TAFA2: variants seen among roughly 807,000 people sequenced by gnomAD.
TAFA2 encodes TAFA chemokine like family member 2.
In TAFA2, 7 loss-of-function variants were observed where a neutral mutation model predicts 18.8. The ratio of observed to expected loss-of-function variants is 0.37; its 90% CI spans 0.21 to 0.70. The LOEUF is 0.70. Among genes scored for constraint, TAFA2 ranks in the 30% least tolerant of loss-of-function variants. The probability of loss-of-function intolerance (pLI) is 0.53; values close to 1 mark genes in which losing one functional copy is unlikely to be tolerated. For missense variants in TAFA2, 122 were observed against 158.1 expected, an observed-to-expected ratio of 0.77 and a Z score of 1.23; for synonymous variants, 60 against 54.2, an observed-to-expected ratio of 1.11 and a Z score of -0.47.
chr12:62,238,255 G>T (rs1361648120), intron 1 of TAFA2, among the ~76,000 whole-genome samples: 1 of 152,184 alleles, frequency 6.6e-6, no homozygotes, highest in Non-Finnish European at 1.5e-5. Flanking sequence ...GTTTCTCAGT[G>T]CTTTGTGGTC....
chr12:62,013,553 A>C (rs760902299), intron 1 of TAFA2, among the ~76,000 whole-genome samples: 6 of 152,188 alleles, frequency 3.9e-5, no homozygotes, highest in Non-Finnish European at 8.8e-5. Context: ...TCATCATCAC[A>C]CAGCATGGTG....
chr12:61,845,760 T>A (rs1322411689), intron 2 of TAFA2, among the ~76,000 whole-genome samples: 2 of 152,152 alleles, frequency 1.3e-5, no homozygotes, highest in Non-Finnish European at 2.9e-5. Context: ...CATAAGCAAT[T>A]ATTTGATAAC....
chr12:62,141,140 T>A (rs2062236510), intron 1 of TAFA2, among the ~76,000 whole-genome samples: 1 of 152,232 alleles, frequency 6.6e-6, no homozygotes, highest in African/African-American at 2.4e-5. Context: ...AGATCACAGA[T>A]GCCTGAAATA....
intron 1 of TAFA2, among the ~76,000 whole-genome samples, chr12:62,075,699 C>G (rs1330079081): frequency 2.0e-5 from 3 of 152,194 alleles, no homozygotes; most frequent in African/African-American, 4.8e-5. Flanking sequence ...TACATACGCA[C>G]ACATATATAT....
intron 1 of TAFA2, among the ~76,000 whole-genome samples, chr12:62,118,953 T>C (rs547514504): frequency 6.6e-6 from 1 of 152,166 alleles, no homozygotes; most frequent in Admixed American, 6.5e-5. Flanking sequence ...TAGCAAAATA[T>C]ATGTCTTTTC....
At chr12:62,145,460 C>T (rs960876826) in intron 1 of TAFA2, 2 of 152,192 alleles carry the variant, frequency 1.3e-5, no homozygotes, top group African/African-American at 4.8e-5. Flanking sequence ...GCACCCCCGT[C>T]CGTGGAAAAA....
chr12:62,042,590 T>A (rs1180545075), intron 1 of TAFA2, among the ~76,000 whole-genome samples: 3 of 152,128 alleles, frequency 2.0e-5, no homozygotes, highest in African/African-American at 7.2e-5. Context: ...TCTCTTGTTT[T>A]ACCAGCCTAC....
At chr12:61,718,443 C>T (rs1486405032) in intron 4 of TAFA2, among the ~76,000 whole-genome samples, 4 of 152,208 alleles carry the variant, frequency 2.6e-5, no homozygotes, top group Non-Finnish European at 5.9e-5. Flanking sequence ...GCTTCCCCTT[C>T]TCTTGGTACC....
chr12:62,226,865 T>G (rs1210780973), intron 1 of TAFA2, among the ~76,000 whole-genome samples: 1 of 152,250 alleles, frequency 6.6e-6, no homozygotes. Context: ...ACCCTGCTAC[T>G]GCTGCTTTAG....
intron 1 of TAFA2, among the ~76,000 whole-genome samples, chr12:62,145,305 T>G (rs74098720): frequency 0.13 from 20,245 of 152,198 alleles, 1,497 homozygotes; most frequent in South Asian, 0.15. Flanking sequence ...CTCCTGTCAG[T>G]TGGCGGTGGC....
chr12:62,251,603 T>C (rs1408790289), intron 1 of TAFA2, among the ~76,000 whole-genome samples: 2 of 152,102 alleles, frequency 1.3e-5, no homozygotes, highest in Non-Finnish European at 2.9e-5. Context: ...TCAACACTTG[T>C]GGAAGAAAGG....
At chr12:61,748,388 T>G (rs578055064) in intron 4 of TAFA2, among the ~76,000 whole-genome samples, 1 of 152,092 alleles carries the variant, frequency 6.6e-6, no homozygotes, top group Admixed American at 6.6e-5. Flanking sequence ...TGAAGACAAA[T>G]GAATGGGGAT....
chr12:62,220,120 T>A (rs2062754399), intron 1 of TAFA2, among the ~76,000 whole-genome samples: 2 of 151,062 alleles, frequency 1.3e-5, no homozygotes, highest in East Asian at 1.9e-4. Flanking sequence ...AGCCACCAAA[T>A]AAAAAAAACC....
chr12:62,113,084 GC>G (rs1406338896), intron 1 of TAFA2, among the ~76,000 whole-genome samples: 1 of 152,034 alleles, frequency 6.6e-6, no homozygotes, highest in African/African-American at 2.4e-5. Context: ...GAATTTTCAG[GC>G]TTTTTGGGCT....
intron 1 of TAFA2, among the ~76,000 whole-genome samples, chr12:61,954,284 A>C (rs1878574689): frequency 6.6e-6 from 1 of 152,212 alleles, no homozygotes; most frequent in Admixed American, 6.5e-5. Flanking sequence ...TTAAAGCATG[A>C]ACTTAAGGCA....
chr12:62,074,422 A>C (rs567028665), intron 1 of TAFA2, among the ~76,000 whole-genome samples: 2 of 152,330 alleles, frequency 1.3e-5, no homozygotes, highest in South Asian at 4.1e-4. Context: ...AATTGTTTGG[A>C]GAGTGACATG....
chr12:62,119,255 A>G (rs1319117487), intron 1 of TAFA2, among the ~76,000 whole-genome samples: 1 of 152,156 alleles, frequency 6.6e-6, no homozygotes, highest in East Asian at 1.9e-4. Flanking sequence ...CTTACATAAA[A>G]TTCTAATTAG....
chr12:62,215,628 C>CA (rs36005311), intron 1 of TAFA2, among the ~76,000 whole-genome samples: 20,659 of 76,654 alleles, frequency 0.27, 2,298 homozygotes, highest in East Asian at 0.43. Context: ...ACTCGTTTAT[C>CA]AAAAAAAAAA....
chr12:62,086,471 T>A (rs1485775698), intron 1 of TAFA2, among the ~76,000 whole-genome samples: 2 of 152,104 alleles, frequency 1.3e-5, no homozygotes, highest in Admixed American at 1.3e-4. Context: ...CCATCCAATT[T>A]AAAAACGGAC....
Sources: allele counts gnomAD v4.1 joint callset (sites outside exome capture counted in the v4.1 genomes callset), GRCh38; gene constraint gnomAD v4.1.1; transcripts MANE v1.5; gene names NCBI Gene and HGNC (gene_info 2026-07-23, HGNC 2026-07-21).